IL1RAPL2: variants seen among roughly 807,000 people sequenced by gnomAD.
IL1RAPL2 encodes interleukin 1 receptor accessory protein like 2, also known as X-linked interleukin-1 receptor accessory protein-like 2.
In IL1RAPL2, 3 loss-of-function variants were observed where a neutral mutation model predicts 44.1. That is an observed-to-expected ratio of 0.07 (90% CI 0.03 to 0.18). The LOEUF (loss-of-function observed/expected upper bound fraction) is 0.18, where lower values mean the gene tolerates loss of function less well. IL1RAPL2 is among the 10% of genes least tolerant of loss of function. The pLI is 1.00. For synonymous variants in IL1RAPL2, 181 were observed against 178.8 expected (o/e 1.01, Z -0.10); for missense variants, 391 against 496.4 (o/e 0.79, Z 2.02).
At chrX:104,712,844 A>AT (rs61170202) in intron 2 of IL1RAPL2, among the ~76,000 whole-genome samples, 41,445 of 109,459 alleles carry the variant, frequency 0.38, 6,018 homozygotes, top group East Asian at 0.47. Context: ...CTGTTTTCAT[A>AT]TGCACTGAGA....
intron 1 of IL1RAPL2, among the ~76,000 whole-genome samples, chrX:104,629,578 T>A (rs1335228391): frequency 8.9e-6 from 1 of 112,376 alleles, no homozygotes; most frequent in Non-Finnish European, 1.9e-5. Context: ...CTTATACTTT[T>A]GAGGTCTTAG....
intron 2 of IL1RAPL2, among the ~76,000 whole-genome samples, chrX:104,948,901 T>C (rs1291371922): frequency 3.7e-5 from 4 of 109,365 alleles, no homozygotes; most frequent in Admixed American, 9.8e-5. Context: ...TGTCTCTGCC[T>C]GGCTTTGGTA....
chrX:105,309,775 A>G (rs1736866), intron 5 of IL1RAPL2, among the ~76,000 whole-genome samples: 7,324 of 110,728 alleles, frequency 0.066, 250 homozygotes, highest in South Asian at 0.15. Flanking sequence ...GGGTTTGTAT[A>G]TTATTGGATT....
intron 5 of IL1RAPL2, among the ~76,000 whole-genome samples, chrX:105,446,686 A>G (rs2035956807): frequency 9.0e-6 from 1 of 110,694 alleles, no homozygotes; most frequent in Admixed American, 9.8e-5. Context: ...GAAAATTAAT[A>G]AGAAATCCAC....
chrX:104,875,928 T>C (rs1399756812), intron 2 of IL1RAPL2, among the ~76,000 whole-genome samples: 1 of 111,275 alleles, frequency 9.0e-6, no homozygotes, highest in African/African-American at 3.3e-5. Flanking sequence ...TGTTACTATT[T>C]TTTTTTTTCT....
intron 2 of IL1RAPL2, among the ~76,000 whole-genome samples, chrX:104,895,045 G>C (rs1167817332): frequency 8.9e-6 from 1 of 112,454 alleles, no homozygotes; most frequent in Non-Finnish European, 1.9e-5. Context: ...GTTTTCTGGA[G>C]GTCCACTCCA....
At chrX:105,433,193 G>A (rs922232142) in intron 5 of IL1RAPL2, among the ~76,000 whole-genome samples, 1 of 110,069 alleles carries the variant, frequency 9.1e-6, no homozygotes, top group African/African-American at 3.3e-5. Context: ...ATCAATATGT[G>A]TTTTTTCCCG....
At chrX:104,739,982 A>G (rs181476246) in intron 2 of IL1RAPL2, among the ~76,000 whole-genome samples, 1 of 111,445 alleles carries the variant, frequency 9.0e-6, no homozygotes, top group African/African-American at 3.3e-5. Context: ...ATGGTGAGGA[A>G]CATTGTACTA....
At chrX:105,122,215 G>A (rs2032932645) in intron 2 of IL1RAPL2, among the ~76,000 whole-genome samples, 1 of 111,478 alleles carries the variant, frequency 9.0e-6, no homozygotes, top group Admixed American at 9.5e-5. Flanking sequence ...TTGGAACCAG[G>A]ATGACCTTTA....
At chrX:104,819,063 T>C (rs1050842349) in intron 2 of IL1RAPL2, among the ~76,000 whole-genome samples, 3 of 112,104 alleles carry the variant, frequency 2.7e-5, no homozygotes, top group African/African-American at 9.7e-5. Flanking sequence ...ATAGCCTTCA[T>C]GGAATGAAAG....
intron 2 of IL1RAPL2, among the ~76,000 whole-genome samples, chrX:104,767,482 G>A (rs1027530242): frequency 1.8e-5 from 2 of 111,509 alleles, no homozygotes; most frequent in African/African-American, 6.5e-5. Context: ...GTTTTTAACA[G>A]TCTGCCATTC....
chrX:105,110,355 A>G (rs889376607), intron 2 of IL1RAPL2, among the ~76,000 whole-genome samples: 4 of 112,187 alleles, frequency 3.6e-5, no homozygotes, highest in Non-Finnish European at 7.5e-5. Flanking sequence ...GATCTGGAAG[A>G]ATCCAATGTT....
chrX:104,753,291 A>C (rs1241259017), intron 2 of IL1RAPL2, among the ~76,000 whole-genome samples: 5 of 110,683 alleles, frequency 4.5e-5, no homozygotes, highest in Non-Finnish European at 9.5e-5. Context: ...CTACACGAGG[A>C]TTTGTATCAT....
chrX:104,866,071 C>T (rs1922606619), intron 2 of IL1RAPL2, among the ~76,000 whole-genome samples: 1 of 112,000 alleles, frequency 8.9e-6, no homozygotes, highest in Admixed American at 9.5e-5. Context: ...TATAATGGTA[C>T]CTTTCCAGTG....
At chrX:105,077,834 G>A (rs1347957358) in intron 2 of IL1RAPL2, among the ~76,000 whole-genome samples, 1 of 112,069 alleles carries the variant, frequency 8.9e-6, no homozygotes, top group Non-Finnish European at 1.9e-5. Context: ...GATTGCATCA[G>A]TTACTGAGGC....
rs966537817 is a variant in IL1RAPL2 at position 105,344,236 on chromosome X, T to C, written c.697+76695T>C. Among the ~76,000 whole-genome samples the C allele has an allele frequency of 7.1e-5, 8 of 112,114 alleles. No individual in the cohort carries two copies. In the South Asian group the frequency reaches 1.5e-3, roughly 21 times the overall value. ...TCTACAGTGAATATGTATTCCTTTT[T>C]AAGTTGAGAAATTATAATAGGACAA... On this transcript the variant is annotated intron_variant, in intron 5 of 10. Coordinates refer to ENST00000372582, the MANE Select transcript of IL1RAPL2 (RefSeq NM_017416.2).
At position 104,731,862 on chromosome X, in the gene IL1RAPL2, A is replaced by T. The variant is rs756947822; in HGVS notation, c.82+72867A>T. On this transcript the variant is annotated intron_variant, in intron 2 of 10. Coordinates refer to ENST00000372582, the MANE Select transcript of IL1RAPL2 (RefSeq NM_017416.2). Reference sequence around the variant, plus strand: ...AGTAAAAATAATTAAAGAAATAATTAGAGAAAATACTTTTTCTTTTGAGTT... The same window carrying T: ...AGTAAAAATAATTAAAGAAATAATTTGAGAAAATACTTTTTCTTTTGAGTT... 8.7e-3 allele frequency among the ~76,000 whole-genome samples: 976 copies of T among 112,085 alleles called. 4 individuals carry two copies. Among genetic ancestry groups the T allele is most frequent in the Non-Finnish European group, 0.012 (643 of 53,249 alleles).
chrX:105,234,027 T>A, intron 4 of IL1RAPL2, 23 bp downstream of exon 4: 1 of 1,155,925 alleles, frequency 8.7e-7, no homozygotes, highest in Non-Finnish European at 1.2e-6. Context: ...GGTGTCAAAT[T>A]CATATTTTAC....
At chrX:104,954,123 T>C (rs1161972520) in intron 2 of IL1RAPL2, among the ~76,000 whole-genome samples, 1 of 112,075 alleles carries the variant, frequency 8.9e-6, no homozygotes, top group Non-Finnish European at 1.9e-5. Context: ...AAAAATGTCA[T>C]GTAAGTAAAA....
Sources: allele counts gnomAD v4.1 joint callset (sites outside exome capture counted in the v4.1 genomes callset), GRCh38; gene constraint gnomAD v4.1.1; transcripts MANE v1.5; gene names NCBI Gene and HGNC (gene_info 2026-07-23, HGNC 2026-07-21).